Variants in ANKIB1 observed in about 807,000 individuals in gnomAD.
The protein encoded by ANKIB1 is ankyrin repeat and IBR domain-containing protein 1.
ANKIB1 carries 43 observed loss-of-function variants against 122.1 expected under a neutral mutation model. The observed-to-expected ratio is 0.35, with a 90% CI of 0.28 to 0.45. ANKIB1 has a LOEUF of 0.45. Ranked by LOEUF, ANKIB1 falls within the 20% of genes least tolerant of loss-of-function variation. The pLI is 1.00. For synonymous variants in ANKIB1, 390 were observed against 442.0 expected (o/e 0.88, Z 1.48); for missense variants, 992 against 1,329.5 (o/e 0.75, Z 3.95).
intron 1 of ANKIB1, among the ~76,000 whole-genome samples, chr7:92,282,928 T>C (rs1342439489): frequency 2.0e-5 from 3 of 152,214 alleles, no homozygotes; most frequent in Non-Finnish European, 4.4e-5. Flanking sequence ...TCGACAGTTT[T>C]CTGCTTGTAG....
intron 1 of ANKIB1, among the ~76,000 whole-genome samples, chr7:92,267,664 G>A (rs548622398): frequency 6.6e-6 from 1 of 152,098 alleles, no homozygotes; most frequent in Non-Finnish European, 1.5e-5. Context: ...GCAGTTCATC[G>A]GGAATTTGAC....
chr7:92,373,798 A>G (rs1030631576), intron 11 of ANKIB1, among the ~76,000 whole-genome samples: 2 of 152,186 alleles, frequency 1.3e-5, no homozygotes, highest in African/African-American at 4.8e-5. Flanking sequence ...TTGAACTCAA[A>G]TGTGTTTTTA....
At chr7:92,373,521 G>A (rs1804318505) in intron 11 of ANKIB1, among the ~76,000 whole-genome samples, 1 of 152,160 alleles carries the variant, frequency 6.6e-6, no homozygotes, top group South Asian at 2.1e-4. Flanking sequence ...CTATGTAAAT[G>A]TAGTAGTTGT....
rs568596942 is a variant in ANKIB1 at position 92,273,982 on chromosome 7, G to A, written c.-90-20907G>A. Among the ~76,000 whole-genome samples, 18 of 151,618 alleles carry A rather than the reference G, an allele frequency of 1.2e-4. No homozygotes were observed. In the East Asian group the frequency reaches 1.7e-3, roughly 15 times the overall value. On this transcript the variant is annotated intron_variant, in intron 1 of 19. Coordinates refer to ENST00000265742, the MANE Select transcript of ANKIB1 (RefSeq NM_019004.2). ...GAGATGAAGTCCCACTATGTTGTCC[G>A]GGCTGGTCTTGAACCCTTGGGCTCA... is the stretch of plus-strand genomic sequence containing the variant.
intron 2 of ANKIB1, among the ~76,000 whole-genome samples, chr7:92,305,779 T>A (rs2131933182): frequency 6.6e-6 from 1 of 152,240 alleles, no homozygotes; most frequent in Admixed American, 6.5e-5. Context: ...CTGAGCAAAC[T>A]GTACTAAAAC....
At chr7:92,258,577 T>C (rs1199053399) in intron 1 of ANKIB1, among the ~76,000 whole-genome samples, 1 of 152,214 alleles carries the variant, frequency 6.6e-6, no homozygotes, top group African/African-American at 2.4e-5. Flanking sequence ...TTATATACGA[T>C]CATTGGGAGA....
At chr7:92,316,262 T>C (rs1802792334) in intron 3 of ANKIB1, among the ~76,000 whole-genome samples, 1 of 152,174 alleles carries the variant, frequency 6.6e-6, no homozygotes, top group African/African-American at 2.4e-5. Flanking sequence ...TAAAAAGTAC[T>C]CTTCAGAACC....
At chr7:92,355,866 A>AATAATC (rs1803796274) in intron 9 of ANKIB1, among the ~76,000 whole-genome samples, 1 of 146,658 alleles carries the variant, frequency 6.8e-6, no homozygotes, top group African/African-American at 2.5e-5. Context: ...TAATAATAAT[A>AATAATC]ATAATAATAA....
At chr7:92,248,886 T>G (rs892086141) in intron 1 of ANKIB1, among the ~76,000 whole-genome samples, 7 of 130,328 alleles carry the variant, frequency 5.4e-5, no homozygotes, top group African/African-American at 2.8e-5. Flanking sequence ...TTTCTTTTCT[T>G]TCTTTTTTTT....
At chr7:92,276,271 A>G (rs758367293) in intron 1 of ANKIB1, among the ~76,000 whole-genome samples, 39 of 152,356 alleles carry the variant, frequency 2.6e-4, no homozygotes, top group South Asian at 8.3e-4. Context: ...TCCACCAGCA[A>G]TGAGTAATGA....
intron 5 of ANKIB1, among the ~76,000 whole-genome samples, chr7:92,336,341 T>C (rs1052211600): frequency 2.6e-5 from 4 of 152,080 alleles, no homozygotes; most frequent in Admixed American, 2.6e-4. Context: ...TTTTATGGCT[T>C]TCATTTATTT....
intron 10 of ANKIB1, among the ~76,000 whole-genome samples, chr7:92,368,863 G>T (rs945914719): frequency 6.6e-6 from 1 of 152,174 alleles, no homozygotes; most frequent in African/African-American, 2.4e-5. Context: ...ACTTCATGCA[G>T]TTCACTAAAA....
intron 10 of ANKIB1, among the ~76,000 whole-genome samples, chr7:92,362,522 A>G (rs1803974749): frequency 6.6e-6 from 1 of 151,936 alleles, no homozygotes; most frequent in Non-Finnish European, 1.5e-5. Context: ...AACAGGGTAA[A>G]TGGGGGTCCC....
At chr7:92,295,199 G>A in intron 2 of ANKIB1, 33 bp downstream of exon 2, 1 of 1,398,246 alleles carries the variant, frequency 7.2e-7, no homozygotes, top group Non-Finnish European at 9.4e-7. Flanking sequence ...TGGTATTAGG[G>A]TATTACCGTA....
rs1805005112 is a variant in ANKIB1 at position 92,401,257 on chromosome 7, A to G, written c.*2308A>G. On this transcript the variant is annotated 3_prime_UTR_variant, in exon 20 of 20. Transcript: ENST00000265742. ...ACCTTGACTTGTTATTTGCACTTTC[A>G]TAGTCTATACTTGATACATTCCCAC... The G allele has an allele frequency of 6.6e-6, 1 of 152,224 alleles. No individual in the cohort carries two copies. The highest frequency in any genetic ancestry group is 2.4e-5 in the African/African-American group (1 of 41,462). The allele number at this position is 152,224 out of a possible 1,614,324, so 9.4% of individuals were successfully genotyped here. A position where few individuals can be genotyped will look rare whatever the true frequency, so the allele number is the denominator to read the frequency against.
chr7:92,271,159 C>T (rs186294128), intron 1 of ANKIB1, among the ~76,000 whole-genome samples: 302 of 152,082 alleles, frequency 2.0e-3, no homozygotes, highest in African/African-American at 6.8e-3. Context: ...TCTTAGGTGA[C>T]GGCACTTTTT....
chr7:92,278,428 T>C (rs1229160338), intron 1 of ANKIB1, among the ~76,000 whole-genome samples: 1 of 152,150 alleles, frequency 6.6e-6, no homozygotes, highest in Non-Finnish European at 1.5e-5. Flanking sequence ...AAGTTTTCCT[T>C]CAGGAAGAGA....
intron 2 of ANKIB1, among the ~76,000 whole-genome samples, chr7:92,297,773 T>C (rs922717375): frequency 6.6e-6 from 1 of 152,190 alleles, no homozygotes; most frequent in African/African-American, 2.4e-5. Context: ...AATACCTTGT[T>C]TTCTACATTA....
intron 8 of ANKIB1, among the ~76,000 whole-genome samples, chr7:92,351,970 C>T (rs180797308): frequency 3.5e-4 from 54 of 152,192 alleles, no homozygotes; most frequent in African/African-American, 1.3e-3. Context: ...ATCCGCCTGC[C>T]TCAGCCTCCC....
Sources: allele counts gnomAD v4.1 joint callset (sites outside exome capture counted in the v4.1 genomes callset), GRCh38; gene constraint gnomAD v4.1.1; transcripts MANE v1.5; gene names NCBI Gene and HGNC (gene_info 2026-07-23, HGNC 2026-07-21).